Variants in KCNB2 observed in about 807,000 individuals in gnomAD.
KCNB2 encodes the protein potassium voltage-gated channel subfamily B member 2.
Under a neutral mutation model 61.5 loss-of-function variants are expected in KCNB2, and 15 were observed. The observed-to-expected ratio is 0.24, with a 90% CI of 0.16 to 0.38. KCNB2 has a LOEUF of 0.38. KCNB2 is among the 10% of genes least tolerant of loss of function. The probability of loss-of-function intolerance (pLI) is 1.00; values close to 1 mark genes in which losing one functional copy is unlikely to be tolerated. For synonymous variants in KCNB2, 457 were observed against 446.0 expected, an observed-to-expected ratio of 1.02 and a Z score of -0.31; for missense variants, 828 against 1,125.2, an observed-to-expected ratio of 0.74 and a Z score of 3.78.
At chr8:72,885,462 A>G (rs1473911364) in intron 2 of KCNB2, among the ~76,000 whole-genome samples, 2 of 152,138 alleles carry the variant, frequency 1.3e-5, no homozygotes, top group Non-Finnish European at 2.9e-5. Flanking sequence ...CCTTTTGATT[A>G]CTGATTCAGT....
rs933269262 is a variant in KCNB2, at chr8:72,797,800, T to C, written c.580-138135T>C. Among the ~76,000 whole-genome samples the C allele has an allele frequency of 3.3e-5, 5 of 152,350 alleles. 1 individual carries two copies. On this transcript the variant is annotated intron_variant, in intron 2 of 2. Coordinates refer to ENST00000523207, the MANE Select transcript of KCNB2 (RefSeq NM_004770.3). ...TCCCAGGGGTTGCGTGTAATGCCAC[T>C]GTGGCATACCCCATGGATGTCTTTT... is the stretch of plus-strand genomic sequence containing the variant.
rs560981340 is a variant in KCNB2 at position 72,558,860 on chromosome 8, G to A, written c.-93-8782G>A. Among the ~76,000 whole-genome samples, 276 of 152,274 alleles carry A rather than the reference G, an allele frequency of 1.8e-3. 2 individuals carry two copies. Among genetic ancestry groups the A allele is most frequent in the African/African-American group, 4.7e-3 (197 of 41,564 alleles). ...AGTTCTTACAATAAGAGGATTATTGGATCGTCAGGGAGGTCAGGGGACAAT... is the reference window on the plus strand; with the variant it reads ...AGTTCTTACAATAAGAGGATTATTGAATCGTCAGGGAGGTCAGGGGACAAT... On this transcript the variant is annotated intron_variant, in intron 1 of 2. Coordinates refer to ENST00000523207, the MANE Select transcript of KCNB2 (RefSeq NM_004770.3).
intron 2 of KCNB2, among the ~76,000 whole-genome samples, chr8:72,578,057 T>C (rs934279677): frequency 6.6e-5 from 10 of 152,350 alleles, no homozygotes; most frequent in African/African-American, 2.2e-4. Context: ...ATCTAACTTG[T>C]ACATTCATGT....
At chr8:72,788,424 G>A (rs753650284) in intron 2 of KCNB2, among the ~76,000 whole-genome samples, 14 of 152,076 alleles carry the variant, frequency 9.2e-5, no homozygotes, top group Non-Finnish European at 7.4e-5. Context: ...CTTCTTACAA[G>A]AGCAGCAGTC....
At chr8:72,846,407 A>G (rs966515445) in intron 2 of KCNB2, among the ~76,000 whole-genome samples, 2 of 152,204 alleles carry the variant, frequency 1.3e-5, no homozygotes, top group African/African-American at 4.8e-5. Flanking sequence ...CAAAATTGAC[A>G]AATGGGATCT....
intron 2 of KCNB2, among the ~76,000 whole-genome samples, chr8:72,890,133 T>A (rs779530733): frequency 7.9e-5 from 12 of 152,220 alleles, no homozygotes; most frequent in Non-Finnish European, 1.6e-4. Flanking sequence ...AGGATCTGAT[T>A]CAGATTCTAC....
intron 2 of KCNB2, among the ~76,000 whole-genome samples, chr8:72,766,576 G>A (rs1808462932): frequency 6.6e-6 from 1 of 152,112 alleles, no homozygotes; most frequent in African/African-American, 2.4e-5. Context: ...TTTTCTAAGA[G>A]CACTTTCTTG....
chr8:72,791,028 C>G (rs979909824), intron 2 of KCNB2, among the ~76,000 whole-genome samples: 1 of 152,118 alleles, frequency 6.6e-6, no homozygotes, highest in Non-Finnish European at 1.5e-5. Flanking sequence ...GGGGAAAAAA[C>G]AGTCAGCAAA....
intron 2 of KCNB2, among the ~76,000 whole-genome samples, chr8:72,874,693 T>C (rs557970635): frequency 6.6e-6 from 1 of 152,342 alleles, no homozygotes; most frequent in East Asian, 1.9e-4. Flanking sequence ...ACAACATCTG[T>C]TGCAGTCCTA....
chr8:72,851,848 A>AAAAAAAAAAAAAAAAC (rs869038932), intron 2 of KCNB2, among the ~76,000 whole-genome samples: 8 of 145,740 alleles, frequency 5.5e-5, no homozygotes, highest in Non-Finnish European at 1.2e-4. Context: ...AAAAAAAAAA[A>AAAAAAAAAAAAAAAAC]CACGTACTGC....
At chr8:72,584,519 T>G (rs1447342833) in intron 2 of KCNB2, among the ~76,000 whole-genome samples, 1 of 152,160 alleles carries the variant, frequency 6.6e-6, no homozygotes. Flanking sequence ...ACTACTTCCG[T>G]AACTATAAAT....
At chr8:72,797,489 A>G (rs1343248487) in intron 2 of KCNB2, among the ~76,000 whole-genome samples, 1 of 152,148 alleles carries the variant, frequency 6.6e-6, no homozygotes, top group East Asian at 1.9e-4. Flanking sequence ...AGGCCACAAG[A>G]GTTTAGCTTT....
chr8:72,593,946 T>C (rs1168203873), intron 2 of KCNB2, among the ~76,000 whole-genome samples: 2 of 152,180 alleles, frequency 1.3e-5, no homozygotes, highest in Non-Finnish European at 2.9e-5. Context: ...GTGTAGAATG[T>C]CAGTTAATAC....
At chr8:72,622,344 T>C (rs921866311) in intron 2 of KCNB2, among the ~76,000 whole-genome samples, 1 of 152,230 alleles carries the variant, frequency 6.6e-6, no homozygotes, top group African/African-American at 2.4e-5. Flanking sequence ...TTCACTGTAA[T>C]CCAAGAGTAT....
chr8:72,692,773 AT>A (rs1403911050), intron 2 of KCNB2, among the ~76,000 whole-genome samples: 1 of 148,808 alleles, frequency 6.7e-6, no homozygotes, highest in African/African-American at 2.4e-5. Flanking sequence ...TATTTTAATT[AT>A]TATTTAATTA....
rs940549251 is a variant in KCNB2 at position 72,707,420 on chromosome 8, G to A, written c.579+139107G>A. ...CTTCTCCTTTAACGACCTGATCATT[G>A]ATCTGCAAGCATAGCTTTTTGTTTG... On this transcript the variant is annotated intron_variant, in intron 2 of 2. Transcript: ENST00000523207. Among the ~76,000 whole-genome samples, 7 of 152,250 alleles carry A rather than the reference G, an allele frequency of 4.6e-5. No homozygotes were observed. In the South Asian group the frequency reaches 1.5e-3, roughly 32 times the overall value.
intron 2 of KCNB2, among the ~76,000 whole-genome samples, chr8:72,688,340 C>A (rs938489612): frequency 1.3e-5 from 2 of 152,132 alleles, no homozygotes; most frequent in African/African-American, 4.8e-5. Flanking sequence ...ACCTATTCAA[C>A]GTTCCCAAGT....
At chr8:72,605,670 A>T (rs1234966767) in intron 2 of KCNB2, among the ~76,000 whole-genome samples, 1 of 152,252 alleles carries the variant, frequency 6.6e-6, no homozygotes, top group Non-Finnish European at 1.5e-5. Context: ...CACACAAAAT[A>T]ATTTAGTCCC....
rs573573385 is a variant in KCNB2, at chr8:72,670,293, T to C, written c.579+101980T>C. 1.9e-3 allele frequency among the ~76,000 whole-genome samples: 284 copies of C among 152,342 alleles called. 1 individual carries two copies. Among genetic ancestry groups the C allele is most frequent in the African/African-American group, 6.4e-3 (267 of 41,572 alleles). Reference sequence around the variant, plus strand: ...AATCAATTTGAACTTCTCATTACTTTAGTGGTGCCTCCAAGGCTAATTACT... The same window carrying C: ...AATCAATTTGAACTTCTCATTACTTCAGTGGTGCCTCCAAGGCTAATTACT... On this transcript the variant is annotated intron_variant, in intron 2 of 2. Transcript: ENST00000523207.
Sources: allele counts gnomAD v4.1 joint callset (sites outside exome capture counted in the v4.1 genomes callset), GRCh38; gene constraint gnomAD v4.1.1; transcripts MANE v1.5; gene names NCBI Gene and HGNC (gene_info 2026-07-23, HGNC 2026-07-21).